ST6GALNAC3: variants seen among roughly 807,000 people sequenced by gnomAD.
The protein encoded by ST6GALNAC3 is alpha-N-acetylgalactosaminide alpha-2,6-sialyltransferase 3.
ST6GALNAC3 carries 25 observed loss-of-function variants against 32.7 expected under a neutral mutation model. The observed-to-expected ratio is 0.76, with a 90% CI of 0.56 to 1.07. The LOEUF (loss-of-function observed/expected upper bound fraction) is 1.07. Among genes scored for constraint, ST6GALNAC3 ranks in the 50% least tolerant of loss-of-function variants. The pLI is 0.00. For missense variants in ST6GALNAC3, 355 were observed against 382.4 expected (o/e 0.93, Z 0.60); for synonymous variants, 129 against 133.1 (o/e 0.97, Z 0.21).
At chr1:76,275,786 C>T (rs192286418) in intron 1 of ST6GALNAC3, among the ~76,000 whole-genome samples, 318 of 152,214 alleles carry the variant, frequency 2.1e-3, no homozygotes, top group Non-Finnish European at 4.0e-3. Context: ...TATTTACTGT[C>T]TTGTATATAC....
At chr1:76,440,203 T>A (rs1213334420) in intron 3 of ST6GALNAC3, among the ~76,000 whole-genome samples, 1 of 151,826 alleles carries the variant, frequency 6.6e-6, no homozygotes, top group Non-Finnish European at 1.5e-5. Context: ...GCTGAAGGAG[T>A]TCAGTGTTGC....
intron 1 of ST6GALNAC3, among the ~76,000 whole-genome samples, chr1:76,107,485 C>T (rs996348628): frequency 6.6e-6 from 1 of 152,106 alleles, no homozygotes; most frequent in Non-Finnish European, 1.5e-5. Flanking sequence ...CTATTCTTAA[C>T]CAATTTTCTA....
chr1:76,239,545 G>A lies in ST6GALNAC3; in HGVS notation c.19-74260G>A, dbSNP rs779927743. 2.0e-4 allele frequency among the ~76,000 whole-genome samples: 31 copies of A among 152,106 alleles called. 1 individual carries two copies. Among genetic ancestry groups the A allele is most frequent in the Non-Finnish European group, 4.4e-5 (3 of 67,996 alleles). On this transcript the variant is annotated intron_variant, in intron 1 of 4. Coordinates refer to ENST00000328299, the MANE Select transcript of ST6GALNAC3 (RefSeq NM_152996.4). ...GCAGGTGTGTCACATGGTGAGAGAGGGAGCAAGGGGGGAAGGGAGAAGATG... is the reference window on the plus strand; with the variant it reads ...GCAGGTGTGTCACATGGTGAGAGAGAGAGCAAGGGGGGAAGGGAGAAGATG...
chr1:76,618,514 C>A (rs1192739230), intron 3 of ST6GALNAC3, among the ~76,000 whole-genome samples: 3 of 152,168 alleles, frequency 2.0e-5, no homozygotes, highest in African/African-American at 7.2e-5. Context: ...AAAAACAATA[C>A]AATTATCAAT....
intron 1 of ST6GALNAC3, among the ~76,000 whole-genome samples, chr1:76,220,185 C>A (rs1027764803): frequency 5.9e-5 from 9 of 152,076 alleles, no homozygotes; most frequent in African/African-American, 2.2e-4. Context: ...AGTATGAAGA[C>A]AGAATAAACT....
intron 1 of ST6GALNAC3, among the ~76,000 whole-genome samples, chr1:76,149,016 T>A (rs549899): frequency 6.6e-6 from 1 of 152,238 alleles, no homozygotes; most frequent in East Asian, 1.9e-4. Flanking sequence ...GTCAAATGGG[T>A]ATAACAATGC....
At chr1:76,254,796 T>C (rs769844955) in intron 1 of ST6GALNAC3, among the ~76,000 whole-genome samples, 31 of 152,074 alleles carry the variant, frequency 2.0e-4, no homozygotes, top group Non-Finnish European at 2.5e-4. Flanking sequence ...TAGTGATTCA[T>C]GAATCCGTTC....
At chr1:76,244,929 C>T (rs112094115) in intron 1 of ST6GALNAC3, among the ~76,000 whole-genome samples, 7,042 of 149,968 alleles carry the variant, frequency 0.047, 241 homozygotes, top group Middle Eastern at 0.1. Flanking sequence ...CTCTGCCAGA[C>T]ACAGGATGCT....
At chr1:76,359,432 G>T (rs1557820787) in intron 2 of ST6GALNAC3, among the ~76,000 whole-genome samples, 4 of 152,108 alleles carry the variant, frequency 2.6e-5, no homozygotes. Flanking sequence ...CATGCGGAAA[G>T]ATAGAAATTC....
rs572123719 is a variant in ST6GALNAC3, at chr1:76,629,214, A to T, written c.*408A>T. ...AGGTGATTGACTCAATGGCTTGTTG[A>T]ATCTCAGCAGTTCCGCCATCTTGAA... On this transcript the variant is annotated 3_prime_UTR_variant, in exon 5 of 5. Coordinates refer to ENST00000328299, the MANE Select transcript of ST6GALNAC3 (RefSeq NM_152996.4). The T allele has an allele frequency of 2.1e-5, 21 of 1,002,546 alleles. No individual in the cohort carries two copies. The South Asian group carries it at 7.9e-4, about 38-fold the overall frequency. The allele number at this position is 1,002,546 out of a possible 1,614,324, so 62.1% of individuals were successfully genotyped here.
intron 3 of ST6GALNAC3, among the ~76,000 whole-genome samples, chr1:76,469,404 C>G (rs865942168): frequency 6.6e-6 from 1 of 152,032 alleles, no homozygotes; most frequent in African/African-American, 2.4e-5. Flanking sequence ...GAATTAAATT[C>G]AGAACCCTGA....
chr1:76,410,286 T>TAA (rs1654140185), intron 2 of ST6GALNAC3, among the ~76,000 whole-genome samples: 3 of 152,154 alleles, frequency 2.0e-5, no homozygotes, highest in African/African-American at 7.2e-5. Context: ...CCTCAGGGTA[T>TAA]TTGCATTGGT....
At chr1:76,491,537 A>T (rs1660500474) in intron 3 of ST6GALNAC3, among the ~76,000 whole-genome samples, 1 of 152,130 alleles carries the variant, frequency 6.6e-6, no homozygotes, top group South Asian at 2.1e-4. Flanking sequence ...ATTGAGCAGG[A>T]TGGAGTAAGC....
At chr1:76,344,883 T>A (rs1648368489) in intron 2 of ST6GALNAC3, among the ~76,000 whole-genome samples, 1 of 152,146 alleles carries the variant, frequency 6.6e-6, no homozygotes, top group Admixed American at 6.5e-5. Context: ...GTCTAATGTT[T>A]CTCTACTGCC....
intron 2 of ST6GALNAC3, among the ~76,000 whole-genome samples, chr1:76,382,111 C>G (rs1439189761): frequency 6.6e-6 from 1 of 152,106 alleles, no homozygotes; most frequent in South Asian, 2.1e-4. Flanking sequence ...AGACCATTCT[C>G]TAGTGGATCA....
chr1:76,242,280 A>G (rs946332893), intron 1 of ST6GALNAC3, among the ~76,000 whole-genome samples: 1 of 152,130 alleles, frequency 6.6e-6, no homozygotes, highest in African/African-American at 2.4e-5. Flanking sequence ...GGAAAATGAG[A>G]TAAAGGAAAA....
Position 76,079,218 on chromosome 1 carries a change from A to G in ST6GALNAC3, c.18+4334A>G, listed in dbSNP as rs567155758. ...GTGGGGTTGTTTAAAAAGTCTCTCA[A>G]ATTTGATAGACAGGAAAACTCTTTG... On this transcript the variant is annotated intron_variant, in intron 1 of 4. Coordinates refer to ENST00000328299, the MANE Select transcript of ST6GALNAC3 (RefSeq NM_152996.4). Among the ~76,000 whole-genome samples, 325 of 152,274 alleles carry G rather than the reference A, an allele frequency of 2.1e-3. 1 individual carries two copies. The highest frequency in any genetic ancestry group is 7.6e-3 in the African/African-American group (315 of 41,556).
chr1:76,189,739 C>G (rs1653787249), intron 1 of ST6GALNAC3, among the ~76,000 whole-genome samples: 1 of 152,310 alleles, frequency 6.6e-6, no homozygotes, highest in Non-Finnish European at 1.5e-5. Flanking sequence ...GAGAAAGGCT[C>G]TTGCAGAAAA....
At chr1:76,564,596 T>C in intron 3 of ST6GALNAC3, among the ~76,000 whole-genome samples, 1 of 115,620 alleles carries the variant, frequency 8.6e-6, no homozygotes, top group South Asian at 2.9e-4. Flanking sequence ...TTTTTTTTTT[T>C]TTTTTTTGAG....
Sources: allele counts gnomAD v4.1 joint callset (sites outside exome capture counted in the v4.1 genomes callset), GRCh38; gene constraint gnomAD v4.1.1; transcripts MANE v1.5; gene names NCBI Gene and HGNC (gene_info 2026-07-23, HGNC 2026-07-21).